RARS2: variants seen among roughly 807,000 people sequenced by gnomAD.
The protein encoded by RARS2 is probable arginine--tRNA ligase, mitochondrial.
In RARS2, 67 loss-of-function variants were observed where a neutral mutation model predicts 88.5. That is an observed-to-expected ratio of 0.76 (90% confidence interval 0.62 to 0.93). The LOEUF (loss-of-function observed/expected upper bound fraction) is 0.93, where lower values mean the gene tolerates loss of function less well. Ranked by LOEUF, RARS2 falls within the 40% of genes least tolerant of loss-of-function variation. The probability of loss-of-function intolerance (pLI) is 0.00; values close to 1 mark genes in which losing one functional copy is unlikely to be tolerated. For synonymous variants in RARS2, 239 were observed against 230.3 expected (o/e 1.04, Z -0.34); for missense variants, 664 against 684.2 (o/e 0.97, Z 0.33).
chr6:87,542,609 A>G (rs1303440214), intron 7 of RARS2, among the ~76,000 whole-genome samples: 2 of 151,660 alleles, frequency 1.3e-5, no homozygotes, highest in Non-Finnish European at 2.9e-5. Context: ...TTAGTCTTTG[A>G]TGATAAATTC....
chr6:87,526,542 C>T (rs898980746), intron 10 of RARS2, among the ~76,000 whole-genome samples: 4 of 151,408 alleles, frequency 2.6e-5, no homozygotes, highest in Admixed American at 6.6e-5. Flanking sequence ...CTAGAGGCAT[C>T]GCACTACCTA....
chr6:87,541,517 AG>A (rs1780949015), intron 8 of RARS2, among the ~76,000 whole-genome samples: 1 of 151,936 alleles, frequency 6.6e-6, no homozygotes, highest in Non-Finnish European at 1.5e-5. Context: ...CTTGTTTTAA[AG>A]AACATATTTT....
chr6:87,522,062 G>A (rs558440628), intron 11 of RARS2, among the ~76,000 whole-genome samples: 4 of 152,260 alleles, frequency 2.6e-5, no homozygotes, highest in South Asian at 2.1e-4. Context: ...CAGGTGTGGC[G>A]GCTCACGCCT....
At chr6:87,559,497 G>A (rs1301364722) in intron 4 of RARS2, among the ~76,000 whole-genome samples, 2 of 146,670 alleles carry the variant, frequency 1.4e-5, no homozygotes, top group South Asian at 4.3e-4. Context: ...AAAAGAGACA[G>A]GGTCTTGCTG....
intron 1 of RARS2, among the ~76,000 whole-genome samples, chr6:87,570,811 T>A (rs9450744): frequency 6.6e-6 from 1 of 151,930 alleles, no homozygotes; most frequent in Non-Finnish European, 1.5e-5. Context: ...CCTCCGCCCC[T>A]CAAAGTGCTG....
intron 8 of RARS2, among the ~76,000 whole-genome samples, chr6:87,540,894 A>G (rs1241716405): frequency 6.6e-6 from 1 of 151,898 alleles, no homozygotes; most frequent in Non-Finnish European, 1.5e-5. Flanking sequence ...TAAATGGAAA[A>G]AGCACACACA....
At position 87,516,876 on chromosome 6, in the gene RARS2, C is replaced by A; in HGVS notation, c.1516G>T (p.Asp506Tyr). ...VSILQHLLRF[D>Y]EVLYKSSQDF... ...TGAGATGATTTATAAAGCACCTCGT[C>A]GAACCTAAAAGATGACAGGAACAGT... Residue 506 changes from aspartate (D) to tyrosine (Y), a missense_variant, in exon 18 of 20, where the codon GAC becomes TAC. By Grantham distance (160) the Asp-to-Tyr change is radical. Coordinates refer to ENST00000369536, the MANE Select transcript of RARS2 (RefSeq NM_020320.5). 2 of 1,613,512 alleles carry A rather than the reference C, an allele frequency of 1.2e-6. No individual in the cohort carries two copies. Among genetic ancestry groups the A allele is most frequent in the South Asian group, 2.2e-5 (2 of 91,034 alleles).
At chr6:87,549,801 G>T (rs910598298) in intron 5 of RARS2, among the ~76,000 whole-genome samples, 1 of 152,188 alleles carries the variant, frequency 6.6e-6, no homozygotes, top group Admixed American at 6.5e-5. Flanking sequence ...TTTTACAGAT[G>T]AGGGAACTGG....
intron 1 of RARS2, among the ~76,000 whole-genome samples, chr6:87,575,270 CACACACA>C (rs1562251993): frequency 4.9e-5 from 7 of 142,094 alleles, no homozygotes; most frequent in Middle Eastern, 3.4e-3. Context: ...CACACACACA[CACACACA>C]CCTTGGCTTC....
chr6:87,551,623 C>CAAAAAAA, intron 5 of RARS2, among the ~76,000 whole-genome samples: 1 of 14,126 alleles, frequency 7.1e-5, no homozygotes, highest in Non-Finnish European at 1.2e-4. Context: ...GACTCCGTCT[C>CAAAAAAA]AACAAAAAAA....
At position 87,533,335 on chromosome 6, in the gene RARS2, A is replaced by G. The variant is rs1225256280; in HGVS notation, c.613-2393T>C. Reference sequence around the variant, plus strand: ...CGCAATATGTACTTATAAAACAAACATTAGTGAAAATCAACTGACACTATC... The same window carrying G: ...CGCAATATGTACTTATAAAACAAACGTTAGTGAAAATCAACTGACACTATC... On this transcript the variant is annotated intron_variant, in intron 8 of 19. Coordinates refer to ENST00000369536, the MANE Select transcript of RARS2 (RefSeq NM_020320.5). 4.6e-5 allele frequency among the ~76,000 whole-genome samples: 7 copies of G among 152,202 alleles called. No individual in the cohort carries two copies. The East Asian group carries it at 1.3e-3, about 29-fold the overall frequency.
rs780993032 is a variant in RARS2, at chr6:87,514,507, A to G, written c.1651-8T>C. ...GAAAAGATGAAGTCTGGCCTACAAA[A>G]TAAATCAAAGAATGATTTAAAATAT... is the stretch of plus-strand genomic sequence containing the variant. On this transcript the variant is annotated splice_polypyrimidine_tract_variant and splice_region_variant and intron_variant, in intron 19 of 19. Transcript: ENST00000369536. The G allele has an allele frequency of 1.9e-5, 30 of 1,599,248 alleles. No individual in the cohort carries two copies. The highest frequency in any genetic ancestry group is 2.5e-5 in the Non-Finnish European group (29 of 1,166,752).
chr6:87,529,890 T>C (rs1776902414), intron 9 of RARS2, among the ~76,000 whole-genome samples: 2 of 143,170 alleles, frequency 1.4e-5, no homozygotes, highest in Non-Finnish European at 3.0e-5. Context: ...GACCTCATTA[T>C]TTTTGTTTAA....
intron 1 of RARS2, among the ~76,000 whole-genome samples, chr6:87,585,546 C>G (rs1191999943): frequency 6.6e-6 from 1 of 151,876 alleles, no homozygotes; most frequent in Non-Finnish European, 1.5e-5. Context: ...CTGGCTAACA[C>G]GGTGAAACCC....
chr6:87,522,040 C>CATAA (rs1774033807), intron 11 of RARS2, among the ~76,000 whole-genome samples: 1 of 152,018 alleles, frequency 6.6e-6, no homozygotes, highest in African/African-American at 2.4e-5. Flanking sequence ...TTTAAAAGAC[C>CATAA]ATAAAGTCGG....
In RARS2 at chr6:87,554,600, G is replaced by A. The variant is rs185928770; in HGVS notation, c.395+808C>T. On this transcript the variant is annotated intron_variant, in intron 5 of 19. Transcript: ENST00000369536. ...GCTTCCCAAGTAGCTGTCACTACAG[G>A]AGTGTGCCACCATGCACAACTAATT... Among the ~76,000 whole-genome samples the A allele has an allele frequency of 4.0e-3, 604 of 152,208 alleles. 6 individuals are homozygous for A. Among genetic ancestry groups the A allele is most frequent in the Non-Finnish European group, 6.1e-3 (414 of 68,006 alleles).
At chr6:87,529,484 A>T in intron 10 of RARS2, 58 bp downstream of exon 10, 1 of 1,103,454 alleles carries the variant, frequency 9.1e-7, no homozygotes, top group Non-Finnish European at 1.4e-6. Context: ...CAAAGGATAC[A>T]TCAATAACAA....
At chr6:87,545,437 G>A (rs1782310196) in intron 7 of RARS2, among the ~76,000 whole-genome samples, 179 bp downstream of exon 7, 1 of 149,718 alleles carries the variant, frequency 6.7e-6, no homozygotes, top group African/African-American at 2.5e-5. Flanking sequence ...CTTGTGTGGT[G>A]AGAATTACTC....
intron 2 of RARS2, 97 bp from the exon 3 acceptor site, chr6:87,564,329 C>G: frequency 2.3e-6 from 2 of 887,474 alleles, no homozygotes; most frequent in South Asian, 1.4e-5. Context: ...TGAGACATAC[C>G]TTTACCAGAA....
Sources: allele counts gnomAD v4.1 joint callset (sites outside exome capture counted in the v4.1 genomes callset), GRCh38; gene constraint gnomAD v4.1.1; transcripts MANE v1.5; gene names NCBI Gene and HGNC (gene_info 2026-07-23, HGNC 2026-07-21).